The following FARP2 variants were observed in gnomAD, a reference collection of about 807,000 sequenced individuals.
FARP2 encodes FERM, ARHGEF and pleckstrin domain-containing protein 2.
FARP2 carries 111 observed loss-of-function variants against 130.5 expected under a neutral mutation model. The ratio of observed to expected loss-of-function variants is 0.85; its 90% CI spans 0.73 to 1.00. The LOEUF (loss-of-function observed/expected upper bound fraction) is 1.00, where lower values mean the gene tolerates loss of function less well. Among genes scored for constraint, FARP2 ranks in the 50% least tolerant of loss-of-function variants. The pLI is 0.00. For synonymous variants in FARP2, 504 were observed against 516.9 expected (o/e 0.98, Z 0.34); for missense variants, 1,385 against 1,346.3 (o/e 1.03, Z -0.45).
At chr2:241,462,434 A>C (rs1304487804) in intron 14 of FARP2, 89 bp from the exon 15 acceptor site, 1 of 854,364 alleles carries the variant, frequency 1.2e-6, no homozygotes, top group African/African-American at 1.7e-5. Flanking sequence ...TGAGCAGAAG[A>C]AAGCAAACAT....
chr2:241,367,736 G>A (rs1383808207), intron 1 of FARP2, among the ~76,000 whole-genome samples: 3 of 152,036 alleles, frequency 2.0e-5, no homozygotes, highest in East Asian at 3.8e-4. Context: ...GCCTCTACCC[G>A]TTACTGTGGA....
chr2:241,456,746 G>C lies in FARP2; in HGVS notation c.1412-1G>C. ...CCATCCCCCTCCCCGTTCATTTCCA[G>C]GCCTTTCCACGAAGAGTCCTCAGCC... On this transcript the variant is annotated splice_acceptor_variant, in intron 13 of 26. Transcript: ENST00000264042. LOFTEE classifies it high-confidence loss of function. The C allele has an allele frequency of 6.2e-7, 1 of 1,614,046 alleles. No homozygotes were observed. Among genetic ancestry groups the C allele is most frequent in the African/African-American group, 1.3e-5 (1 of 75,020 alleles).
At chr2:241,461,590 T>A (rs527377443) in intron 14 of FARP2, among the ~76,000 whole-genome samples, 1 of 152,350 alleles carries the variant, frequency 6.6e-6, no homozygotes, top group South Asian at 2.1e-4. Context: ...CGTTATGTCT[T>A]GTACAGCCCT....
intron 2 of FARP2, among the ~76,000 whole-genome samples, chr2:241,389,244 C>A (rs1575490832): frequency 6.6e-6 from 1 of 151,486 alleles, no homozygotes; most frequent in East Asian, 1.9e-4. Flanking sequence ...GTGCCACTGC[C>A]CTCCAGCCTG....
At chr2:241,488,008 A>C (rs1213809525) in intron 21 of FARP2, 1 of 151,878 alleles carries the variant, frequency 6.6e-6, no homozygotes, top group Non-Finnish European at 1.5e-5. Context: ...TCGGCCTCCC[A>C]AAGTGCTGGG....
chr2:241,406,900 C>T (rs1024433508), intron 4 of FARP2, among the ~76,000 whole-genome samples: 2 of 152,082 alleles, frequency 1.3e-5, no homozygotes, highest in African/African-American at 2.4e-5. Context: ...CCCCGCCTCC[C>T]GGGTTCACGC....
At chr2:241,438,616 CTCTGGT>C (rs2063302298) in intron 12 of FARP2, among the ~76,000 whole-genome samples, 1 of 148,754 alleles carries the variant, frequency 6.7e-6, no homozygotes, top group East Asian at 2.0e-4. Flanking sequence ...TTCTTAAACT[CTCTGGT>C]TTTTTTTTTT....
At chr2:241,423,377 A>G (rs2062858053) in intron 8 of FARP2, among the ~76,000 whole-genome samples, 1 of 152,162 alleles carries the variant, frequency 6.6e-6, no homozygotes, top group Non-Finnish European at 1.5e-5. Context: ...CATAAGCAAA[A>G]CAGAAATAAG....
intron 5 of FARP2, 133 bp from the exon 6 acceptor site, chr2:241,410,900 C>G: frequency 3.2e-6 from 2 of 628,796 alleles, no homozygotes; most frequent in South Asian, 3.7e-5. Flanking sequence ...TCGTGACCGC[C>G]TTGCGTTTTG....
intron 2 of FARP2, among the ~76,000 whole-genome samples, chr2:241,387,589 C>T (rs13395416): frequency 1.3e-5 from 2 of 151,874 alleles, no homozygotes; most frequent in East Asian, 1.9e-4. Flanking sequence ...GTCAGGAGAT[C>T]GAGACCATCC....
At chr2:241,457,116 C>G (rs2063867063) in intron 14 of FARP2, among the ~76,000 whole-genome samples, 194 bp downstream of exon 14, 4 of 152,214 alleles carry the variant, frequency 2.6e-5, no homozygotes, top group African/African-American at 2.4e-5. Flanking sequence ...CTGAGACTTT[C>G]CTCTTATCTC....
chr2:241,458,738 C>T (rs2063934371), intron 14 of FARP2, among the ~76,000 whole-genome samples: 1 of 151,952 alleles, frequency 6.6e-6, no homozygotes, highest in Non-Finnish European at 1.5e-5. Flanking sequence ...TAATTTGTAA[C>T]TTTTTATATT....
chr2:241,378,416 A>ATTTTT (rs10692211), intron 2 of FARP2, among the ~76,000 whole-genome samples: 2 of 107,700 alleles, frequency 1.9e-5, no homozygotes, highest in Admixed American at 1.1e-4. Flanking sequence ...TGCCTGGCCT[A>ATTTTT]TTTTTTTTTT....
Position 241,487,843 on chromosome 2 carries a change from G to T in FARP2, c.2422-2119G>T, listed in dbSNP as rs568436561. ...GCTCTCTGCAAGCTCCACCTCCCGGGTTCACGCCATTCTCCTACCTCAGCT... is the reference window on the plus strand; with the variant it reads ...GCTCTCTGCAAGCTCCACCTCCCGGTTTCACGCCATTCTCCTACCTCAGCT... On this transcript the variant is annotated intron_variant, in intron 21 of 26. Coordinates refer to ENST00000264042, the MANE Select transcript of FARP2 (RefSeq NM_014808.4). 3.1e-5 allele frequency among the ~76,000 whole-genome samples: 4 copies of T among 127,218 alleles called. No homozygotes were observed. The South Asian group carries it at 1.1e-3, about 33-fold the overall frequency. 83.5% of individuals were successfully genotyped at this position (127,218 alleles called of 152,430 possible). A position where few individuals can be genotyped will look rare whatever the true frequency, so the allele number is the denominator to read the frequency against.
intron 22 of FARP2, 36 bp downstream of exon 22, chr2:241,490,080 T>A: frequency 2.7e-6 from 4 of 1,455,918 alleles, no homozygotes; most frequent in Non-Finnish European, 3.9e-6. Context: ...TGAGCAGCCC[T>A]GGATGGAGGG....
rs567956345 is a variant in FARP2 at position 241,468,109 on chromosome 2, A to G, written c.1894-31A>G. The G allele has an allele frequency of 3.2e-5, 46 of 1,428,556 alleles. 1 individual carries two copies. The South Asian group carries it at 4.9e-4, about 15-fold the overall frequency. The allele number at this position is 1,428,556 out of a possible 1,614,324, so 88.5% of individuals were successfully genotyped here. ...TCCCCCTGGACTCCTACATCTCCTCACCTAAAGGCCCCACTCTTGCGCCTC... is the reference window on the plus strand; with the variant it reads ...TCCCCCTGGACTCCTACATCTCCTCGCCTAAAGGCCCCACTCTTGCGCCTC... On this transcript the variant is annotated intron_variant, in intron 17 of 26. Coordinates refer to ENST00000264042, the MANE Select transcript of FARP2 (RefSeq NM_014808.4).
At chr2:241,424,465 A>G (rs1383034383) in intron 8 of FARP2, among the ~76,000 whole-genome samples, 2 of 152,214 alleles carry the variant, frequency 1.3e-5, no homozygotes, top group Non-Finnish European at 1.5e-5. Context: ...AAGCATTGTT[A>G]AGAGGGAAAT....
intron 13 of FARP2, among the ~76,000 whole-genome samples, chr2:241,449,872 T>G (rs1457756184): frequency 6.6e-6 from 1 of 151,882 alleles, no homozygotes; most frequent in Non-Finnish European, 1.5e-5. Context: ...CTAGGCATGG[T>G]GGCGGGTGCC....
intron 7 of FARP2, among the ~76,000 whole-genome samples, chr2:241,415,991 G>C (rs62193222): frequency 0.25 from 10,854 of 43,256 alleles, 689 homozygotes; most frequent in Admixed American, 0.47. Context: ...GGGTAGTTCT[G>C]TGTGTGTGTG....
Sources: gnomAD v4.1 joint callset for allele counts (sites outside exome capture counted in the v4.1 genomes callset) on GRCh38, gnomAD v4.1.1 for gene constraint, MANE v1.5 for transcripts, NCBI Gene and HGNC (gene_info 2026-07-23, HGNC 2026-07-21) for gene names.